The following WDR72 variants were observed in gnomAD, a reference collection of about 807,000 sequenced individuals.
The protein encoded by WDR72 is WD repeat-containing protein 72.
In WDR72, 120 loss-of-function variants were observed where a neutral mutation model predicts 124.2. The observed-to-expected ratio is 0.97, with a 90% CI of 0.83 to 1.12. The LOEUF is 1.12. Ranked by LOEUF, WDR72 falls within the 50% of genes most tolerant of loss-of-function variation. The probability of loss-of-function intolerance (pLI) is 0.00; values close to 1 mark genes in which losing one functional copy is unlikely to be tolerated. For synonymous variants in WDR72, 452 were observed against 441.7 expected, an observed-to-expected ratio of 1.02 and a Z score of -0.29; for missense variants, 1,387 against 1,278.8, an observed-to-expected ratio of 1.08 and a Z score of -1.29.
intron 9 of WDR72, among the ~76,000 whole-genome samples, chr15:53,710,543 AT>A (rs1330692005): frequency 3.3e-5 from 5 of 152,338 alleles, no homozygotes; most frequent in African/African-American, 7.2e-5. Flanking sequence ...GTAAAAAAAA[AT>A]CTCAGTGAAT....
At chr15:53,743,092 G>A (rs543236708) in intron 1 of WDR72, among the ~76,000 whole-genome samples, 2 of 152,000 alleles carry the variant, frequency 1.3e-5, no homozygotes, top group South Asian at 4.2e-4. Context: ...AAAAAACAAT[G>A]TAAATGAATT....
intron 18 of WDR72, among the ~76,000 whole-genome samples, chr15:53,543,991 A>G (rs1247865434): frequency 2.6e-5 from 4 of 151,730 alleles, no homozygotes; most frequent in African/African-American, 9.7e-5. Flanking sequence ...TAGACCAATA[A>G]CAGGAGCTGA....
chr15:53,715,186 C>A lies in WDR72; in HGVS notation c.514+7G>T, dbSNP rs2017668244. 1 of 1,613,788 alleles carries A rather than the reference C, an allele frequency of 6.2e-7. No individual in the cohort carries two copies. On this transcript the variant is annotated splice_region_variant and intron_variant, in intron 5 of 19. Coordinates refer to ENST00000360509, the MANE Select transcript of WDR72 (RefSeq NM_182758.4). ...CTCTCTACTGTCAGATAATATCCAACTATTACCTTGAATTCTCATGGAGTG... is the reference window on the plus strand; with the variant it reads ...CTCTCTACTGTCAGATAATATCCAAATATTACCTTGAATTCTCATGGAGTG...
At chr15:53,717,631 T>C (rs1163176230) in intron 3 of WDR72, among the ~76,000 whole-genome samples, 1 of 152,154 alleles carries the variant, frequency 6.6e-6, no homozygotes, top group Admixed American at 6.5e-5. Flanking sequence ...TATTTGGAGA[T>C]ATTTTTGGTT....
At chr15:53,696,350 A>C (rs963189930) in intron 13 of WDR72, among the ~76,000 whole-genome samples, 3 of 152,328 alleles carry the variant, frequency 2.0e-5, no homozygotes, top group Admixed American at 6.5e-5. Flanking sequence ...TGTGAACTCC[A>C]AAACCCTAGG....
chr15:53,633,323 C>T (rs928969137), intron 14 of WDR72, among the ~76,000 whole-genome samples: 3 of 152,250 alleles, frequency 2.0e-5, no homozygotes, highest in East Asian at 1.9e-4. Context: ...GACGTGCCTA[C>T]GTCCCCTTCA....
chr15:53,642,551 T>C (rs1053652178), intron 14 of WDR72, among the ~76,000 whole-genome samples: 2 of 152,054 alleles, frequency 1.3e-5, no homozygotes, highest in African/African-American at 4.8e-5. Flanking sequence ...GAGAGGTTTC[T>C]TTATTATCCA....
intron 13 of WDR72, among the ~76,000 whole-genome samples, chr15:53,685,995 C>T (rs1050871391): frequency 7.4e-5 from 11 of 148,874 alleles, no homozygotes; most frequent in African/African-American, 2.8e-4. Context: ...AAATACTTTA[C>T]AGACAAGCAA....
chr15:53,739,823 T>C (rs2018459745), intron 1 of WDR72, among the ~76,000 whole-genome samples: 1 of 152,186 alleles, frequency 6.6e-6, no homozygotes, highest in South Asian at 2.1e-4. Flanking sequence ...AGCTTCTGGG[T>C]CACACTGCTC....
intron 14 of WDR72, among the ~76,000 whole-genome samples, chr15:53,645,299 G>A (rs986282844): frequency 3.3e-5 from 5 of 152,128 alleles, no homozygotes; most frequent in Admixed American, 6.6e-5. Context: ...AAAGATAAAC[G>A]AAATTGTGTT....
At chr15:53,639,549 T>C (rs868460696) in intron 14 of WDR72, among the ~76,000 whole-genome samples, 1 of 132,134 alleles carries the variant, frequency 7.6e-6, no homozygotes, top group African/African-American at 2.5e-5. Flanking sequence ...TATAATTTTA[T>C]TTATTTATAA....
Position 53,666,964 on chromosome 15 carries a change from C to G in WDR72, c.1766-1196G>C, listed in dbSNP as rs2015800460. On this transcript the variant is annotated intron_variant, in intron 13 of 19. Transcript: ENST00000360509. The stretch of plus-strand genomic sequence containing the variant: ...CAGTCTCGAGTCCCTTAACAATATA[C>G]TTTTATTATAACATTTCTACATTCA... Among the ~76,000 whole-genome samples, 7 of 152,300 alleles carry G rather than the reference C, an allele frequency of 4.6e-5. 1 individual carries two copies. The South Asian group carries it at 1.2e-3, about 27-fold the overall frequency.
intron 18 of WDR72, among the ~76,000 whole-genome samples, chr15:53,529,512 A>C (rs894070077): frequency 2.0e-5 from 3 of 152,000 alleles, no homozygotes; most frequent in Non-Finnish European, 4.4e-5. Context: ...TGGCCACTAC[A>C]CTAGTGTTGG....
At chr15:53,678,321 C>T (rs1319668) in intron 13 of WDR72, among the ~76,000 whole-genome samples, 46 of 152,250 alleles carry the variant, frequency 3.0e-4, no homozygotes, top group African/African-American at 1.0e-3. Flanking sequence ...TTTCAAATAA[C>T]CCAACTTCAT....
intron 17 of WDR72, among the ~76,000 whole-genome samples, chr15:53,599,003 A>T (rs1280932351): frequency 5.9e-5 from 9 of 152,048 alleles, no homozygotes; most frequent in Non-Finnish European, 1.3e-4. Flanking sequence ...GCGCACCTGT[A>T]GTCCTGGCTA....
Position 53,655,739 on chromosome 15 carries a change from G to A in WDR72, c.1962+9833C>T, listed in dbSNP as rs1010214250. ...TTTTTGAGATGGAGTCTTGCTCTGTGGGCCAGGCTGTGGCACAAGCTTGGC... is the reference window on the plus strand; with the variant it reads ...TTTTTGAGATGGAGTCTTGCTCTGTAGGCCAGGCTGTGGCACAAGCTTGGC... On this transcript the variant is annotated intron_variant, in intron 14 of 19. Coordinates refer to ENST00000360509, the MANE Select transcript of WDR72 (RefSeq NM_182758.4). Among the ~76,000 whole-genome samples, 43 of 151,924 alleles carry A rather than the reference G, an allele frequency of 2.8e-4. 1 individual carries two copies. Among genetic ancestry groups the A allele is most frequent in the African/African-American group, 1.0e-3 (42 of 41,464 alleles).
rs550592919 is a variant in WDR72 at position 53,615,938 on chromosome 15, G to C, written c.2268C>G (p.Thr756=). 1 of 1,613,350 alleles carries C rather than the reference G, an allele frequency of 6.2e-7. No individual in the cohort carries two copies. Among genetic ancestry groups the C allele is most frequent in the Non-Finnish European group, 8.5e-7 (1 of 1,179,642 alleles). Residue 756 remains threonine, a synonymous_variant, in exon 15 of 20, where the codon ACC becomes ACG. Transcript: ENST00000360509. ...ITESLAQGDN[T]IKFSEENDGI... The stretch of plus-strand genomic sequence containing the variant: ...CATCATTTTCTTCTGAGAATTTGAT[G>C]GTATTATCTCCTTGGGCCAGGCTTT...
chr15:53,605,610 T>A (rs1251230096), intron 17 of WDR72, among the ~76,000 whole-genome samples: 2 of 152,184 alleles, frequency 1.3e-5, no homozygotes, highest in Non-Finnish European at 2.9e-5. Flanking sequence ...ATCCCAACAC[T>A]TTGGGAGGCC....
intron 14 of WDR72, among the ~76,000 whole-genome samples, chr15:53,630,326 T>C (rs914654034): frequency 6.6e-6 from 1 of 152,120 alleles, no homozygotes; most frequent in African/African-American, 2.4e-5. Context: ...TCCAAAAAAA[T>C]AGAAGTGGTG....
Sources: allele counts gnomAD v4.1 joint callset (sites outside exome capture counted in the v4.1 genomes callset), GRCh38; gene constraint gnomAD v4.1.1; transcripts MANE v1.5; gene names NCBI Gene and HGNC (gene_info 2026-07-23, HGNC 2026-07-21).